Variants in KIFAP3 observed in about 807,000 individuals in gnomAD.
KIFAP3 encodes kinesin-associated protein 3.
A neutral mutation model predicts 106.5 loss-of-function variants in KIFAP3; 68 were observed. The observed-to-expected ratio is 0.64, with a 90% CI of 0.53 to 0.78. KIFAP3 has a LOEUF of 0.78. Among genes scored for constraint, KIFAP3 ranks in the 30% least tolerant of loss-of-function variants. KIFAP3 has a pLI of 0.00. For missense variants in KIFAP3, 780 were observed against 941.8 expected, an observed-to-expected ratio of 0.83 and a Z score of 2.25; for synonymous variants, 320 against 311.5, an observed-to-expected ratio of 1.03 and a Z score of -0.29.
chr1:169,950,415 C>A (rs1475384189), intron 19 of KIFAP3, among the ~76,000 whole-genome samples: 1 of 152,088 alleles, frequency 6.6e-6, no homozygotes, highest in East Asian at 1.9e-4. Context: ...CTCCAGATAA[C>A]TTGACAGTGT....
intron 11 of KIFAP3, among the ~76,000 whole-genome samples, chr1:169,990,902 G>T (rs1268871035): frequency 6.6e-6 from 1 of 151,882 alleles, no homozygotes; most frequent in East Asian, 1.9e-4. Flanking sequence ...AGAATGCAAA[G>T]CAATTAAAAC....
intron 1 of KIFAP3, among the ~76,000 whole-genome samples, chr1:170,061,301 T>A (rs1203613697): frequency 6.9e-6 from 1 of 145,122 alleles, no homozygotes; most frequent in East Asian, 2.2e-4. Context: ...ACAATGAACT[T>A]AAACAAATTT....
At chr1:170,029,284 T>C (rs958054560) in intron 8 of KIFAP3, among the ~76,000 whole-genome samples, 60 of 152,060 alleles carry the variant, frequency 3.9e-4, no homozygotes, top group Middle Eastern at 6.8e-3. Flanking sequence ...TAAATCACAA[T>C]TATAGTCAGA....
chr1:170,042,993 T>C (rs997881479), intron 3 of KIFAP3, among the ~76,000 whole-genome samples: 2 of 152,156 alleles, frequency 1.3e-5, no homozygotes, highest in African/African-American at 4.8e-5. Flanking sequence ...TGCATTTCCT[T>C]ATGCATCCAG....
At chr1:169,973,418 C>A (rs559039432) in intron 16 of KIFAP3, among the ~76,000 whole-genome samples, 35 of 130,674 alleles carry the variant, frequency 2.7e-4, no homozygotes, top group Non-Finnish European at 5.4e-4. Flanking sequence ...ATACTAAAAA[C>A]TATAATTCAA....
intron 9 of KIFAP3, among the ~76,000 whole-genome samples, chr1:170,023,230 AAT>A (rs1318020791): frequency 6.6e-6 from 1 of 152,124 alleles, no homozygotes; most frequent in Non-Finnish European, 1.5e-5. Flanking sequence ...ATAGGGGAAA[AAT>A]AAAATTTCAT....
Position 170,046,872 on chromosome 1 carries a change from AG to A in KIFAP3, c.165-7del. 6.4e-7 allele frequency: 1 copy of A among 1,572,214 alleles called. No individual in the cohort carries two copies. Among genetic ancestry groups the A allele is most frequent in the Non-Finnish European group, 8.6e-7 (1 of 1,159,608 alleles). ...TGAGACTCTTAAGTCGAATGCTGTA[AG>A]TATAACAGAATTTTTCAACTCACGT... On this transcript the variant is annotated splice_polypyrimidine_tract_variant and splice_region_variant and intron_variant, in intron 2 of 19. Transcript: ENST00000361580.
Position 170,027,945 on chromosome 1 carries a change from T to C in KIFAP3, c.842-3349A>G, listed in dbSNP as rs559529567. ...CCTTATATTAATATATAGACAAAGA[T>C]AGCATGACAGCAGACTTCTCATCAA... On this transcript the variant is annotated intron_variant, in intron 8 of 19. Transcript: ENST00000361580. Among the ~76,000 whole-genome samples the C allele has an allele frequency of 2.6e-5, 4 of 152,104 alleles. No homozygotes were observed. In the South Asian group the frequency reaches 6.2e-4, roughly 24 times the overall value.
chr1:170,071,416 T>C (rs1337355138), intron 1 of KIFAP3, among the ~76,000 whole-genome samples: 1 of 152,206 alleles, frequency 6.6e-6, no homozygotes, highest in African/African-American at 2.4e-5. Flanking sequence ...AATTTTATGT[T>C]GCTATAACAC....
chr1:169,924,008 G>A lies in KIFAP3; in HGVS notation c.2274-2227C>T, dbSNP rs138626626. Reference sequence around the variant, plus strand: ...TTCTCCCCCTTTTTTTTATTTCTACGACTAATAGGCAAACTATTGATCACT... The same window carrying A: ...TTCTCCCCCTTTTTTTTATTTCTACAACTAATAGGCAAACTATTGATCACT... On this transcript the variant is annotated intron_variant, in intron 19 of 19. Transcript: ENST00000361580. 2.4e-3 allele frequency among the ~76,000 whole-genome samples: 366 copies of A among 151,760 alleles called. 1 individual carries two copies. Among genetic ancestry groups the A allele is most frequent in the African/African-American group, 8.3e-3 (343 of 41,332 alleles).
chr1:170,000,388 C>T (rs915692659), intron 10 of KIFAP3, among the ~76,000 whole-genome samples: 2 of 152,090 alleles, frequency 1.3e-5, no homozygotes, highest in African/African-American at 4.8e-5. Flanking sequence ...GATAGAATAG[C>T]ATTAAGGTGA....
intron 18 of KIFAP3, 87 bp downstream of exon 18, chr1:169,960,959 A>C (rs1029545300): frequency 7.4e-6 from 7 of 949,642 alleles, no homozygotes; most frequent in Admixed American, 5.0e-5. Context: ...AGAAGTGCTT[A>C]TTAAGCTTGG....
intron 8 of KIFAP3, among the ~76,000 whole-genome samples, chr1:170,029,833 G>C (rs1211403646): frequency 3.9e-5 from 6 of 151,918 alleles, no homozygotes; most frequent in African/African-American, 1.4e-4. Context: ...TGACACATTG[G>C]ACAAATGGTT....
In KIFAP3 at chr1:169,992,789, C is replaced by A. The variant is rs1445334448; in HGVS notation, c.1184-534G>T. ...ATATAGTATGAAGAATGTCTCAGAA[C>A]TTCTAAGGTAAGATTATTCTGGTTT... On this transcript the variant is annotated intron_variant, in intron 10 of 19. Transcript: ENST00000361580. 4.6e-5 allele frequency among the ~76,000 whole-genome samples: 7 copies of A among 152,170 alleles called. No homozygotes were observed. The East Asian group carries it at 1.4e-3, about 29-fold the overall frequency.
At chr1:170,075,372 T>C (rs1485937848), upstream of KIFAP3, among the ~76,000 whole-genome samples, 1 of 152,220 alleles carries the variant, frequency 6.6e-6, no homozygotes, top group Admixed American at 6.5e-5. Flanking sequence ...AAATGTGAAT[T>C]GAGGGCTGGC....
intron 19 of KIFAP3, among the ~76,000 whole-genome samples, chr1:169,937,930 A>C (rs1280518689): frequency 6.6e-6 from 1 of 151,926 alleles, no homozygotes; most frequent in Non-Finnish European, 1.5e-5. Flanking sequence ...CTCCATGAAA[A>C]ATATAACTCC....
chr1:170,023,393 A>G (rs1481835075), intron 9 of KIFAP3, among the ~76,000 whole-genome samples: 2 of 152,100 alleles, frequency 1.3e-5, no homozygotes, highest in East Asian at 3.8e-4. Flanking sequence ...CATACTATAC[A>G]TTCAGACTAT....
chr1:169,954,104 A>C lies in KIFAP3; in HGVS notation c.2180T>G (p.Leu727Ter). 4 of 1,605,686 alleles carry C rather than the reference A, an allele frequency of 2.5e-6. No homozygotes were observed. The highest frequency in any genetic ancestry group is 3.4e-6 in the Non-Finnish European group (4 of 1,172,520). ...ACTTATGGCTCCTTCAGAGGCAATT[A>C]ATCCATCTAGAAAGAAAAAAAAATG... ...RPDLFYNSDG[L>*]IASEGAISPD... is the part of the protein sequence containing the mutation. Residue 727 changes from leucine (L) to a stop codon, truncating the protein, a stop_gained, in exon 19 of 20, where the codon TTA (leucine) becomes TGA (stop). Transcript: ENST00000361580. LOFTEE classifies it high-confidence loss of function.
At chr1:169,944,051 C>T (rs1664286091) in intron 19 of KIFAP3, among the ~76,000 whole-genome samples, 1 of 152,194 alleles carries the variant, frequency 6.6e-6, no homozygotes, top group Non-Finnish European at 1.5e-5. Flanking sequence ...TTGTGGCTGG[C>T]GGCACCTTCT....
Sources: gnomAD v4.1 joint callset for allele counts (sites outside exome capture counted in the v4.1 genomes callset) on GRCh38, gnomAD v4.1.1 for gene constraint, MANE v1.5 for transcripts, NCBI Gene and HGNC (gene_info 2026-07-23, HGNC 2026-07-21) for gene names.